The following IL20RA variants were observed in gnomAD, a reference collection of about 807,000 sequenced individuals.
IL20RA encodes interleukin 20 receptor subunit alpha.
IL20RA carries 29 observed loss-of-function variants against 36.5 expected under a neutral mutation model. The observed-to-expected ratio is 0.79, with a 90% CI of 0.59 to 1.08. IL20RA has a LOEUF of 1.08. Among genes scored for constraint, IL20RA ranks in the 50% least tolerant of loss-of-function variants. The pLI is 0.00. For synonymous variants in IL20RA, 279 were observed against 267.1 expected (o/e 1.04, Z -0.43); for missense variants, 652 against 668.4 (o/e 0.98, Z 0.27).
chr6:137,041,136 T>C (rs1776678478), intron 1 of IL20RA, among the ~76,000 whole-genome samples: 1 of 152,226 alleles, frequency 6.6e-6, no homozygotes, highest in Non-Finnish European at 1.5e-5. Flanking sequence ...AGGGATATTC[T>C]AAGGAAGAGG....
At chr6:137,003,831 C>T (rs753918066) in intron 6 of IL20RA, among the ~76,000 whole-genome samples, 2 of 152,106 alleles carry the variant, frequency 1.3e-5, no homozygotes, top group Non-Finnish European at 2.9e-5. Context: ...CATGCAGTTT[C>T]CACACATCCA....
intron 5 of IL20RA, among the ~76,000 whole-genome samples, chr6:137,007,365 G>T (rs1225540964): frequency 1.3e-5 from 2 of 152,166 alleles, no homozygotes; most frequent in African/African-American, 4.8e-5. Context: ...TTTACTTTCG[G>T]ACAGTTTCAT....
intron 1 of IL20RA, among the ~76,000 whole-genome samples, chr6:137,028,300 C>T (rs1368772320): frequency 6.6e-6 from 1 of 151,912 alleles, no homozygotes; most frequent in Non-Finnish European, 1.5e-5. Flanking sequence ...CCCCTGTAGT[C>T]CCAGCTACTT....
At chr6:137,002,845 G>C (rs1363873446) in intron 6 of IL20RA, among the ~76,000 whole-genome samples, 1 of 152,206 alleles carries the variant, frequency 6.6e-6, no homozygotes, top group Non-Finnish European at 1.5e-5. Flanking sequence ...ATGAGAACTG[G>C]ATGTAGAAAA....
chr6:137,044,294 A>C (rs1158671152), intron 1 of IL20RA: 7 of 1,007,170 alleles, frequency 7.0e-6, no homozygotes, highest in South Asian at 4.7e-5. Flanking sequence ...GGGGCCCCGC[A>C]TGGTAACCGT....
At chr6:137,025,138 C>T (rs1450256905) in intron 1 of IL20RA, among the ~76,000 whole-genome samples, 1 of 152,108 alleles carries the variant, frequency 6.6e-6, no homozygotes, top group East Asian at 1.9e-4. Flanking sequence ...TATATTATAA[C>T]TTGGCACCAT....
Position 137,002,164 on chromosome 6 carries a change from C to T in IL20RA, c.1056G>A (p.Gln352=). The change falls in exon 7 of 7, where the codon CAG becomes CAA. Residue 352 remains glutamine, a synonymous_variant. Transcript: ENST00000316649. The stretch of plus-strand genomic sequence containing the variant: ...CTAAATGTTTCACCTCCTCTTCCTC[C>T]TGAGGGGGCCTCAGGTTCCCGCTGG... ...PQPSGNLRPP[Q]EEEEVKHLGY... The T allele has an allele frequency of 1.2e-6, 2 of 1,614,140 alleles. No individual in the cohort carries two copies. The highest frequency in any genetic ancestry group is 8.5e-7 in the Non-Finnish European group (1 of 1,180,014).
intron 1 of IL20RA, among the ~76,000 whole-genome samples, chr6:137,035,869 G>A (rs1172840237): frequency 6.6e-6 from 1 of 152,206 alleles, no homozygotes; most frequent in Non-Finnish European, 1.5e-5. Flanking sequence ...GGGTTCGTTG[G>A]AAAGGGAGAG....
At position 137,008,708 on chromosome 6, in the gene IL20RA, G is replaced by T. The variant is rs755530085; in HGVS notation, c.615C>A (p.Leu205=). 1 of 1,605,578 alleles carries T rather than the reference G, an allele frequency of 6.2e-7. No individual in the cohort carries two copies. Among genetic ancestry groups the T allele is most frequent in the South Asian group, 1.1e-5 (1 of 88,290 alleles). Residue 205 remains leucine (L), a synonymous_variant, in exon 5 of 7, where the codon CTC becomes CTA. Coordinates refer to ENST00000316649, the MANE Select transcript of IL20RA (RefSeq NM_014432.4). The part of the protein sequence containing the change: ...SQCVTNHTLV[L]TWLEPNTLYC... The stretch of plus-strand genomic sequence containing the variant: ...AAAGAGTGTTCGGCTCCAGCCAGGT[G>T]AGCACCAGCGTGTGGTTGGTCACAC...
At chr6:137,004,904 T>C in intron 5 of IL20RA, 144 bp from the exon 6 acceptor site, 1 of 726,186 alleles carries the variant, frequency 1.4e-6, no homozygotes, top group Non-Finnish European at 2.3e-6. Flanking sequence ...ACCTCTACGT[T>C]GAGAAGCTTA....
chr6:137,004,838 C>T (rs1372773108), intron 5 of IL20RA, 78 bp from the exon 6 acceptor site: 8 of 1,360,058 alleles, frequency 5.9e-6, no homozygotes, highest in Admixed American at 4.5e-5. Flanking sequence ...GGAAAAACCT[C>T]GTATCGTTAA....
At position 137,001,626 on chromosome 6, in the gene IL20RA, C is replaced by T. The variant is rs955228394; in HGVS notation, c.1594G>A (p.Gly532Arg). ...TGCATGAGATAGGTTTCATTTTCTC[C>T]TGGTGGCCTGTCTGGAGCCGGCTCC... The part of the protein sequence containing the change: ...YEEPAPDRPP[G>R]ENETYLMQFM... The change falls in exon 7 of 7, where the codon GGA (glycine) becomes AGA (arginine). Residue 532 changes from glycine to arginine, a missense_variant. By Grantham distance (125) the Gly-to-Arg change is moderately radical (BLOSUM62 -2). Transcript: ENST00000316649. 5.6e-6 allele frequency: 9 copies of T among 1,611,928 alleles called. No individual in the cohort carries two copies. Among genetic ancestry groups the T allele is most frequent in the Non-Finnish European group, 6.8e-6 (8 of 1,178,930 alleles).
chr6:137,016,335 CTG>C (rs970086072), intron 2 of IL20RA, among the ~76,000 whole-genome samples: 1 of 152,210 alleles, frequency 6.6e-6, no homozygotes, highest in Non-Finnish European at 1.5e-5. Flanking sequence ...CCTCTTTGCA[CTG>C]TGATACTTAT....
chr6:137,035,544 A>G (rs184976876), intron 1 of IL20RA, among the ~76,000 whole-genome samples: 2 of 152,184 alleles, frequency 1.3e-5, no homozygotes, highest in Non-Finnish European at 2.9e-5. Flanking sequence ...TTTCTTGTTC[A>G]CCCTGAAGCC....
At chr6:137,044,446 C>A (rs958553356) in intron 1 of IL20RA, 195 bp downstream of exon 1, 3 of 860,446 alleles carry the variant, frequency 3.5e-6, no homozygotes, top group Non-Finnish European at 4.5e-6. Context: ...GTGCGCGAGG[C>A]GACGGCGAGT....
intron 1 of IL20RA, among the ~76,000 whole-genome samples, chr6:137,021,545 G>T (rs1336734610): frequency 6.6e-6 from 1 of 151,552 alleles, no homozygotes. Context: ...CCGGCATGGT[G>T]GTGGGCACCT....
rs28409601 is a variant in IL20RA, at chr6:137,017,049, A to G, written c.143T>C (p.Ile48Thr). ...CCATTGTAGGACATTCTTCATGTTGATGGATAAGAAGGTGATGTTTGCAGG... is the reference window on the plus strand; with the variant it reads ...CCATTGTAGGACATTCTTCATGTTGGTGGATAAGAAGGTGATGTTTGCAGG... The part of the protein sequence containing the change: ...PKPANITFLS[I>T]NMKNVLQWTP... Residue 48 changes from isoleucine to threonine, a missense_variant, in exon 2 of 7, where the codon ATC (isoleucine) becomes ACC (threonine). By Grantham distance (89) the Ile-to-Thr change is moderately conservative. Transcript: ENST00000316649. The G allele has an allele frequency of 6.2e-7, 1 of 1,613,370 alleles. No individual in the cohort carries two copies. Among genetic ancestry groups the G allele is most frequent in the Non-Finnish European group, 8.5e-7 (1 of 1,179,274 alleles).
At chr6:137,026,797 C>G (rs1035161385) in intron 1 of IL20RA, among the ~76,000 whole-genome samples, 1 of 152,158 alleles carries the variant, frequency 6.6e-6, no homozygotes, top group Non-Finnish European at 1.5e-5. Context: ...TCTTCTGTCC[C>G]AAGTTACGAA....
intron 2 of IL20RA, among the ~76,000 whole-genome samples, chr6:137,012,624 G>A (rs1211161257): frequency 6.6e-6 from 1 of 152,144 alleles, no homozygotes; most frequent in African/African-American, 2.4e-5. Context: ...GATGGCACAA[G>A]CATGAATGAA....
Sources: gnomAD v4.1 joint callset for allele counts (sites outside exome capture counted in the v4.1 genomes callset) on GRCh38, gnomAD v4.1.1 for gene constraint, MANE v1.5 for transcripts, NCBI Gene and HGNC (gene_info 2026-07-23, HGNC 2026-07-21) for gene names.